Variants in UNC5B observed in about 807,000 individuals in gnomAD.
The protein encoded by UNC5B is netrin receptor UNC5B.
A neutral mutation model predicts 103.7 loss-of-function variants in UNC5B; 56 were observed. That is an observed-to-expected ratio of 0.54 (90% CI 0.44 to 0.67). The LOEUF is 0.67. Among genes scored for constraint, UNC5B ranks in the 30% least tolerant of loss-of-function variants. UNC5B has a pLI of 0.00. For missense variants in UNC5B, 1,194 were observed against 1,284.5 expected, an observed-to-expected ratio of 0.93 and a Z score of 1.08; for synonymous variants, 577 against 542.0, an observed-to-expected ratio of 1.06 and a Z score of -0.90.
chr10:71,285,725 G>A (rs1845059904), intron 4 of UNC5B, among the ~76,000 whole-genome samples: 1 of 152,132 alleles, frequency 6.6e-6, no homozygotes, highest in African/African-American at 2.4e-5. Flanking sequence ...TCTATCTCCT[G>A]CCCCACCCAG....
At position 71,291,716 on chromosome 10, in the gene UNC5B, G is replaced by T. The variant is rs376097676; in HGVS notation, c.1579G>T (p.Ala527Ser). Residue 527 changes from alanine to serine, a missense_variant, in exon 10 of 17, where the codon GCC becomes TCC. Coordinates refer to ENST00000335350, the MANE Select transcript of UNC5B (RefSeq NM_170744.5). ...RDTHFLHLRSASLGSQQLLGL... is the reference protein window; with the variant it reads ...RDTHFLHLRSSSLGSQQLLGL... ...CACCCACTTCCTGCACCTGCGCAGC[G>T]CCAGCCTCGGTTCCCAGCAGCTCTT... 109 of 1,612,174 alleles carry T rather than the reference G, an allele frequency of 6.8e-5. 1 individual carries two copies. The Middle Eastern group carries it at 1.2e-3, about 17-fold the overall frequency.
intron 8 of UNC5B, among the ~76,000 whole-genome samples, 167 bp downstream of exon 8, chr10:71,289,157 G>A (rs964038517): frequency 3.3e-5 from 5 of 152,126 alleles, no homozygotes; most frequent in Admixed American, 2.0e-4. Flanking sequence ...CTCCATCACC[G>A]GCAGACAGGC....
intron 1 of UNC5B, among the ~76,000 whole-genome samples, chr10:71,236,754 G>C (rs1843783104): frequency 6.6e-6 from 1 of 152,182 alleles, no homozygotes; most frequent in African/African-American, 2.4e-5. Flanking sequence ...TTCTCCTCTG[G>C]GAGAATGGAT....
At chr10:71,264,208 T>C (rs1844474954) in intron 1 of UNC5B, among the ~76,000 whole-genome samples, 1 of 152,200 alleles carries the variant, frequency 6.6e-6, no homozygotes, top group Non-Finnish European at 1.5e-5. Flanking sequence ...TGGCTATTGA[T>C]ACCAACCTCA....
chr10:71,263,858 A>G (rs10823714), intron 1 of UNC5B, among the ~76,000 whole-genome samples: 125,232 of 152,010 alleles, frequency 0.82, 51,829 homozygotes, highest in Non-Finnish European at 0.87. Context: ...GGGGACAAAC[A>G]GACAGACAGG....
At position 71,212,977 on chromosome 10, in the gene UNC5B, C is replaced by A. The variant is rs1843257737; in HGVS notation, c.-9C>A. 1 of 1,363,676 alleles carries A rather than the reference C, an allele frequency of 7.3e-7. No individual in the cohort carries two copies. The highest frequency in any genetic ancestry group is 2.8e-5 in the East Asian group (1 of 35,330). The allele number at this position is 1,363,676 out of a possible 1,614,324, so 84.5% of individuals were successfully genotyped here. On this transcript the variant is annotated 5_prime_UTR_variant, in exon 1 of 17. Coordinates refer to ENST00000335350, the MANE Select transcript of UNC5B (RefSeq NM_170744.5). ...TGGGGGAGAGGCGCCCGAACCAGGC[C>A]GCGGGAGCATGGGGGCCCGGAGCGG...
At chr10:71,226,456 AG>A (rs1843566298) in intron 1 of UNC5B, among the ~76,000 whole-genome samples, 1 of 152,264 alleles carries the variant, frequency 6.6e-6, no homozygotes, top group Admixed American at 6.5e-5. Flanking sequence ...CTGAGACCCA[AG>A]ATCCCATCCT....
At chr10:71,219,280 A>G (rs982974394) in intron 1 of UNC5B, among the ~76,000 whole-genome samples, 10 of 151,950 alleles carry the variant, frequency 6.6e-5, no homozygotes, top group African/African-American at 2.4e-4. Flanking sequence ...GGAAAGAACT[A>G]ATATATATAT....
chr10:71,262,982 A>G, intron 1 of UNC5B, among the ~76,000 whole-genome samples: 1 of 152,252 alleles, frequency 6.6e-6, no homozygotes, highest in South Asian at 2.1e-4. Context: ...ACGAAGAGCC[A>G]GGGCCCTGGT....
chr10:71,227,082 T>G (rs1843580557), intron 1 of UNC5B, among the ~76,000 whole-genome samples: 1 of 151,958 alleles, frequency 6.6e-6, no homozygotes, highest in African/African-American at 2.4e-5. Context: ...CCTCCTGGGT[T>G]CAAGCAATTC....
At chr10:71,236,499 T>C (rs908926138) in intron 1 of UNC5B, among the ~76,000 whole-genome samples, 9 of 152,292 alleles carry the variant, frequency 5.9e-5, no homozygotes, top group Non-Finnish European at 1.2e-4. Flanking sequence ...CTCGTAAATA[T>C]GAAGCCGGGG....
At chr10:71,233,061 C>G (rs889123778) in intron 1 of UNC5B, among the ~76,000 whole-genome samples, 1 of 152,202 alleles carries the variant, frequency 6.6e-6, no homozygotes, top group Non-Finnish European at 1.5e-5. Context: ...AGTATTTCTA[C>G]TTCCACAGCA....
intron 9 of UNC5B, 92 bp downstream of exon 9, chr10:71,291,201 C>T (rs866213632): frequency 1.3e-5 from 19 of 1,462,504 alleles, no homozygotes; most frequent in Middle Eastern, 1.8e-4. Flanking sequence ...CTCCTGACTC[C>T]CTCCCAGGGT....
At chr10:71,279,707 C>G (rs1423222155) in intron 1 of UNC5B, 114 bp from the exon 2 acceptor site, 1 of 1,177,558 alleles carries the variant, frequency 8.5e-7, no homozygotes, top group East Asian at 2.6e-5. Context: ...CTCTGGCTGC[C>G]CCACCTCTGC....
intron 1 of UNC5B, among the ~76,000 whole-genome samples, chr10:71,225,522 G>A (rs1011280583): frequency 1.3e-5 from 2 of 152,202 alleles, no homozygotes; most frequent in Non-Finnish European, 2.9e-5. Context: ...AGGCCCGGGT[G>A]CCACGTCAGA....
At chr10:71,264,308 A>G (rs1374180253) in intron 1 of UNC5B, among the ~76,000 whole-genome samples, 2 of 152,234 alleles carry the variant, frequency 1.3e-5, no homozygotes, top group Non-Finnish European at 2.9e-5. Flanking sequence ...GCTTTTGTTC[A>G]TTAAGTCTTT....
intron 1 of UNC5B, among the ~76,000 whole-genome samples, chr10:71,219,830 A>G (rs1843416386): frequency 6.6e-6 from 1 of 152,228 alleles, no homozygotes; most frequent in South Asian, 2.1e-4. Flanking sequence ...GGAAGAGCAT[A>G]GCAGAGCCAA....
At chr10:71,214,271 A>G (rs368734680) in intron 1 of UNC5B, among the ~76,000 whole-genome samples, 1 of 151,880 alleles carries the variant, frequency 6.6e-6, no homozygotes, top group South Asian at 2.1e-4. Flanking sequence ...TCCATAGCCA[A>G]AGATTCCTCA....
Position 71,290,376 on chromosome 10 carries a change from A to T in UNC5B, c.1100-539A>T, listed in dbSNP as rs377676907. ...CACATGCTCACCTCTTCTCCACCGC[A>T]TTGTTGTGCATCTCATTCCACTTCT... On this transcript the variant is annotated intron_variant, in intron 8 of 16. Transcript: ENST00000335350. 3.9e-5 allele frequency among the ~76,000 whole-genome samples: 6 copies of T among 152,050 alleles called. No individual in the cohort carries two copies. In the East Asian group the frequency reaches 1.2e-3, roughly 29 times the overall value.
Sources: gnomAD v4.1 joint callset for allele counts (sites outside exome capture counted in the v4.1 genomes callset) on GRCh38, gnomAD v4.1.1 for gene constraint, MANE v1.5 for transcripts, NCBI Gene and HGNC (gene_info 2026-07-23, HGNC 2026-07-21) for gene names.